The following DOK6 variants were observed in gnomAD, a reference collection of about 807,000 sequenced individuals.
DOK6 encodes downstream of tyrosine kinase 6.
In DOK6, 22 loss-of-function variants were observed where a neutral mutation model predicts 44.0. The ratio of observed to expected loss-of-function variants is 0.50; its 90% CI spans 0.36 to 0.71. DOK6 has a LOEUF of 0.71. Among genes scored for constraint, DOK6 ranks in the 30% least tolerant of loss-of-function variants. DOK6 has a pLI of 0.00. For synonymous variants in DOK6, 166 were observed against 145.5 expected, an observed-to-expected ratio of 1.14 and a Z score of -1.01; for missense variants, 340 against 416.4, an observed-to-expected ratio of 0.82 and a Z score of 1.60.
chr18:69,437,193 G>A (rs1979004077), intron 1 of DOK6, among the ~76,000 whole-genome samples: 1 of 152,088 alleles, frequency 6.6e-6, no homozygotes. Context: ...GGTTTTTGTT[G>A]TCATTGCTTT....
chr18:69,749,871 G>T (rs1406623785), intron 6 of DOK6, among the ~76,000 whole-genome samples: 3 of 151,100 alleles, frequency 2.0e-5, no homozygotes, highest in Non-Finnish European at 4.4e-5. Context: ...AACCTGGGAG[G>T]CGAAGGTTGC....
At position 69,401,172 on chromosome 18, in the gene DOK6, G is replaced by A; in HGVS notation, c.-73G>A. ...GCCGGCTGGATGCGAGACCCGCGCA[G>A]ACCCGGCGGCGGACGGCGGCTCTCG... is the stretch of plus-strand genomic sequence containing the variant. On this transcript the variant is annotated 5_prime_UTR_variant, in exon 1 of 8. Coordinates refer to ENST00000382713, the MANE Select transcript of DOK6 (RefSeq NM_152721.6). 1 of 1,461,690 alleles carries A rather than the reference G, an allele frequency of 6.8e-7. No individual in the cohort carries two copies. The highest frequency in any genetic ancestry group is 9.1e-7 in the Non-Finnish European group (1 of 1,099,862). The allele number at this position is 1,461,690 out of a possible 1,614,324, so 90.5% of individuals were successfully genotyped here.
At chr18:69,618,866 A>T (rs971973908) in intron 3 of DOK6, among the ~76,000 whole-genome samples, 1 of 152,208 alleles carries the variant, frequency 6.6e-6, no homozygotes, top group Non-Finnish European at 1.5e-5. Flanking sequence ...GTCCAAATGA[A>T]AATTATTTCT....
At chr18:69,416,679 T>C (rs1978349452) in intron 1 of DOK6, among the ~76,000 whole-genome samples, 1 of 152,150 alleles carries the variant, frequency 6.6e-6, no homozygotes, top group African/African-American at 2.4e-5. Flanking sequence ...ATCATCCTCA[T>C]CCTGGAAGTT....
rs33973960 is a variant in DOK6 at position 69,637,881 on chromosome 18, GTT to G, written c.289+38393_289+38394del. Among the ~76,000 whole-genome samples, 29 of 146,838 alleles carry G rather than the reference GTT, an allele frequency of 2.0e-4. No homozygotes were observed. In the East Asian group the frequency reaches 5.4e-3, roughly 27 times the overall value. On this transcript the variant is annotated intron_variant, in intron 3 of 7. Coordinates refer to ENST00000382713, the MANE Select transcript of DOK6 (RefSeq NM_152721.6). ...GACATTTCGGTTGGCAAACTTTTAA[GTT>G]TTTTTTTTTAATGACTTCTTATTTC...
intron 3 of DOK6, among the ~76,000 whole-genome samples, chr18:69,637,740 T>A (rs887781478): frequency 6.6e-6 from 1 of 152,202 alleles, no homozygotes; most frequent in African/African-American, 2.4e-5. Context: ...CTCTCTCTTT[T>A]TTTTTAAACC....
At chr18:69,723,740 GT>G (rs1358531867) in intron 5 of DOK6, among the ~76,000 whole-genome samples, 1 of 152,126 alleles carries the variant, frequency 6.6e-6, no homozygotes, top group Non-Finnish European at 1.5e-5. Flanking sequence ...TTCAAAATGT[GT>G]TCATATTTTG....
intron 1 of DOK6, among the ~76,000 whole-genome samples, chr18:69,473,719 T>C (rs1980181158): frequency 6.6e-6 from 1 of 152,228 alleles, no homozygotes; most frequent in Non-Finnish European, 1.5e-5. Context: ...GGAAAGAGAC[T>C]CTAAACCACT....
At chr18:69,497,743 C>T (rs763917785) in intron 1 of DOK6, among the ~76,000 whole-genome samples, 7 of 152,096 alleles carry the variant, frequency 4.6e-5, no homozygotes, top group Non-Finnish European at 8.8e-5. Flanking sequence ...ATTTAGGTCG[C>T]ACATCAACTT....
rs546303848 is a variant in DOK6, at chr18:69,817,743, G to C, written c.857-23501G>C. Among the ~76,000 whole-genome samples the C allele has an allele frequency of 6.7e-4, 102 of 152,244 alleles. 1 individual carries two copies. Among genetic ancestry groups the C allele is most frequent in the African/African-American group, 2.4e-3 (99 of 41,546 alleles). ...GTGAAGGCTTCAACATATGCATTTTGGAAGGAATGTGATCCGGTCCTGAGT... is the reference window on the plus strand; with the variant it reads ...GTGAAGGCTTCAACATATGCATTTTCGAAGGAATGTGATCCGGTCCTGAGT... On this transcript the variant is annotated intron_variant, in intron 7 of 7. Coordinates refer to ENST00000382713, the MANE Select transcript of DOK6 (RefSeq NM_152721.6).
intron 5 of DOK6, among the ~76,000 whole-genome samples, chr18:69,700,500 T>C (rs1399265442): frequency 1.3e-5 from 2 of 152,134 alleles, no homozygotes; most frequent in African/African-American, 4.8e-5. Flanking sequence ...TCCACATTAG[T>C]TTTTTAAGAT....
intron 3 of DOK6, among the ~76,000 whole-genome samples, chr18:69,614,401 C>T (rs12960929): frequency 3.9e-5 from 6 of 152,016 alleles, no homozygotes; most frequent in East Asian, 1.9e-4. Context: ...AGTTTTACTG[C>T]GGCATAGTTA....
intron 1 of DOK6, among the ~76,000 whole-genome samples, chr18:69,448,587 T>C (rs1448854164): frequency 6.6e-6 from 1 of 152,162 alleles, no homozygotes; most frequent in Non-Finnish European, 1.5e-5. Flanking sequence ...TTGGTCAGGC[T>C]GGTCTCAAAC....
intron 5 of DOK6, among the ~76,000 whole-genome samples, chr18:69,722,388 T>C (rs921024196): frequency 6.6e-6 from 1 of 152,178 alleles, no homozygotes; most frequent in African/African-American, 2.4e-5. Context: ...TGGACATGTT[T>C]TTCCTTTGAT....
chr18:69,501,543 A>T (rs1981049666), intron 1 of DOK6, among the ~76,000 whole-genome samples: 1 of 152,116 alleles, frequency 6.6e-6, no homozygotes. Flanking sequence ...TTGCAATGTG[A>T]TCTTAGGTTT....
intron 7 of DOK6, among the ~76,000 whole-genome samples, chr18:69,810,815 T>G (rs1371682407): frequency 6.6e-6 from 1 of 151,902 alleles, no homozygotes; most frequent in Non-Finnish European, 1.5e-5. Context: ...TTAGTGAGGA[T>G]ATGTAGAAAA....
intron 1 of DOK6, among the ~76,000 whole-genome samples, chr18:69,480,130 G>C (rs907803994): frequency 2.0e-5 from 3 of 152,086 alleles, no homozygotes. Flanking sequence ...ATACAAGTTA[G>C]TAGTAGTGAT....
chr18:69,659,636 A>T (rs1026370460), intron 3 of DOK6, among the ~76,000 whole-genome samples: 3 of 152,092 alleles, frequency 2.0e-5, no homozygotes, highest in Non-Finnish European at 4.4e-5. Context: ...GAAGACACAC[A>T]GTGTTTTACA....
intron 3 of DOK6, among the ~76,000 whole-genome samples, chr18:69,611,982 G>A (rs1291011635): frequency 6.6e-6 from 1 of 151,268 alleles, no homozygotes; most frequent in African/African-American, 2.4e-5. Flanking sequence ...AAGTAAAACT[G>A]GGGAAACCAG....
Sources: gnomAD v4.1 joint callset for allele counts (sites outside exome capture counted in the v4.1 genomes callset) on GRCh38, gnomAD v4.1.1 for gene constraint, MANE v1.5 for transcripts, NCBI Gene and HGNC (gene_info 2026-07-23, HGNC 2026-07-21) for gene names.